The following GPC5 variants were observed in gnomAD, a reference collection of about 807,000 sequenced individuals.
GPC5 encodes the protein glypican 5.
In GPC5, 47 loss-of-function variants were observed where a neutral mutation model predicts 53.9. The observed-to-expected ratio is 0.87, with a 90% CI of 0.69 to 1.11. GPC5 has a LOEUF of 1.11. GPC5 is among the 50% of genes most tolerant of loss of function. The pLI is 0.00. For missense variants in GPC5, 748 were observed against 713.1 expected, an observed-to-expected ratio of 1.05 and a Z score of -0.56; for synonymous variants, 286 against 263.3, an observed-to-expected ratio of 1.09 and a Z score of -0.84.
At chr13:92,052,422 G>A (rs948663141) in intron 6 of GPC5, among the ~76,000 whole-genome samples, 21 of 152,298 alleles carry the variant, frequency 1.4e-4, no homozygotes, top group African/African-American at 4.1e-4. Context: ...TGTCCACAGC[G>A]TGGAAGGGAA....
At chr13:92,520,019 G>C (rs1265023568) in intron 7 of GPC5, among the ~76,000 whole-genome samples, 1 of 152,132 alleles carries the variant, frequency 6.6e-6, no homozygotes, top group African/African-American at 2.4e-5. Flanking sequence ...AAATAAACTA[G>C]AAAATGTAGA....
At chr13:91,432,184 A>G (rs142705850) in intron 1 of GPC5, among the ~76,000 whole-genome samples, 3,192 of 129,314 alleles carry the variant, frequency 0.025, 94 homozygotes, top group South Asian at 0.062. Flanking sequence ...TGCTGCTTCC[A>G]CTGCTGCTGC....
chr13:91,973,330 G>A (rs1162414539), intron 6 of GPC5, among the ~76,000 whole-genome samples: 4 of 152,096 alleles, frequency 2.6e-5, no homozygotes. Context: ...GCTCCTTTAA[G>A]GACTTCTCTG....
intron 7 of GPC5, among the ~76,000 whole-genome samples, chr13:92,717,371 G>A (rs1418735678): frequency 1.3e-5 from 2 of 152,030 alleles, no homozygotes; most frequent in East Asian, 3.9e-4. Flanking sequence ...CATATACCAT[G>A]AATATAATAT....
chr13:92,040,544 G>A (rs1164703605), intron 6 of GPC5, among the ~76,000 whole-genome samples: 2 of 152,188 alleles, frequency 1.3e-5, no homozygotes, highest in South Asian at 2.1e-4. Flanking sequence ...AAAATAAACC[G>A]GGTGGAATGA....
intron 7 of GPC5, among the ~76,000 whole-genome samples, chr13:92,349,088 G>T (rs1348638363): frequency 6.6e-6 from 1 of 152,052 alleles, no homozygotes. Flanking sequence ...ATGGAGACTA[G>T]CAAAACAATA....
At chr13:92,384,595 C>T (rs576069677) in intron 7 of GPC5, among the ~76,000 whole-genome samples, 32 of 152,146 alleles carry the variant, frequency 2.1e-4, no homozygotes, top group South Asian at 8.3e-4. Context: ...AAACAAATCC[C>T]GCCGAGTGAT....
At chr13:91,441,191 A>G (rs1880394993) in intron 1 of GPC5, among the ~76,000 whole-genome samples, 1 of 152,090 alleles carries the variant, frequency 6.6e-6, no homozygotes, top group African/African-American at 2.4e-5. Context: ...ATTTTGCCAG[A>G]GTTAATGGTT....
intron 7 of GPC5, among the ~76,000 whole-genome samples, chr13:92,679,985 T>G (rs1264640124): frequency 1.4e-5 from 2 of 144,664 alleles, no homozygotes; most frequent in African/African-American, 5.1e-5. Flanking sequence ...AATAATGCAC[T>G]GCTAAGAAAC....
intron 6 of GPC5, among the ~76,000 whole-genome samples, chr13:92,127,954 G>A (rs540429587): frequency 9.2e-5 from 14 of 152,260 alleles, no homozygotes; most frequent in East Asian, 3.9e-4. Context: ...TTCACTTTGC[G>A]ATGAAATAAG....
chr13:91,715,770 G>GTCTCTCTCTCTCTC (rs55859912), intron 3 of GPC5, among the ~76,000 whole-genome samples: 3 of 132,818 alleles, frequency 2.3e-5, no homozygotes, highest in African/African-American at 8.5e-5. Context: ...TTAAGATAGG[G>GTCTCTCTCTCTCTC]TCTCTCTCTC....
intron 7 of GPC5, among the ~76,000 whole-genome samples, chr13:92,460,238 G>A (rs772855184): frequency 3.9e-5 from 6 of 151,998 alleles, no homozygotes; most frequent in Admixed American, 6.6e-5. Flanking sequence ...AATTTGTATC[G>A]TATTTTTATT....
chr13:91,582,580 C>G (rs1003519924), intron 2 of GPC5, among the ~76,000 whole-genome samples: 6 of 151,970 alleles, frequency 3.9e-5, no homozygotes, highest in Non-Finnish European at 8.8e-5. Context: ...TATGGAAACA[C>G]AAGATTGAGA....
chr13:92,653,549 A>G (rs1886028357), intron 7 of GPC5, among the ~76,000 whole-genome samples: 1 of 152,190 alleles, frequency 6.6e-6, no homozygotes, highest in South Asian at 2.1e-4. Flanking sequence ...AAGCATATTC[A>G]AAGGGGATAA....
At chr13:91,784,955 C>T (rs2138730820) in intron 5 of GPC5, among the ~76,000 whole-genome samples, 1 of 152,288 alleles carries the variant, frequency 6.6e-6, no homozygotes, top group African/African-American at 2.4e-5. Context: ...ATTGCTAAGC[C>T]CAGTGGTTGC....
At chr13:91,594,568 A>G (rs1291422918) in intron 2 of GPC5, among the ~76,000 whole-genome samples, 1 of 152,096 alleles carries the variant, frequency 6.6e-6, no homozygotes, top group Non-Finnish European at 1.5e-5. Context: ...TTTATGTTTT[A>G]TGTTCCCCAA....
At chr13:91,584,133 A>C (rs2139107222) in intron 2 of GPC5, among the ~76,000 whole-genome samples, 2 of 152,308 alleles carry the variant, frequency 1.3e-5, no homozygotes, top group South Asian at 4.1e-4. Context: ...CTGCAAGCGA[A>C]AGAGAGGCCG....
intron 7 of GPC5, among the ~76,000 whole-genome samples, chr13:92,847,639 T>A (rs191235423): frequency 5.9e-5 from 9 of 152,182 alleles, no homozygotes; most frequent in East Asian, 3.9e-4. Flanking sequence ...TTTTTTTTTT[T>A]AATAAATTAC....
intron 7 of GPC5, among the ~76,000 whole-genome samples, chr13:92,391,577 T>C (rs1449631867): frequency 1.3e-5 from 2 of 152,200 alleles, no homozygotes; most frequent in Non-Finnish European, 2.9e-5. Flanking sequence ...CTCTATTTTG[T>C]AGTTGAAATG....
Sources: gnomAD v4.1 joint callset for allele counts (sites outside exome capture counted in the v4.1 genomes callset) on GRCh38, gnomAD v4.1.1 for gene constraint, MANE v1.5 for transcripts, NCBI Gene and HGNC (gene_info 2026-07-23, HGNC 2026-07-21) for gene names.